Variants in CTDNEP1 observed in about 807,000 individuals in gnomAD.
The protein encoded by CTDNEP1 is C-terminal domain nuclear envelope phosphatase 1.
Under a neutral mutation model 30.1 loss-of-function variants are expected in CTDNEP1, and 3 were observed. The observed-to-expected ratio is 0.10, with a 90% CI of 0.05 to 0.26. The LOEUF is 0.26. CTDNEP1 is among the 10% of genes least tolerant of loss of function. CTDNEP1 has a pLI of 1.00. For missense variants in CTDNEP1, 158 were observed against 310.4 expected (o/e 0.51, Z 3.69); for synonymous variants, 123 against 118.8 (o/e 1.04, Z -0.23).
chr17:7,244,841 G>C (rs1422151310), intron 6 of CTDNEP1: 1 of 513,734 alleles, frequency 1.9e-6, no homozygotes. Context: ...TTCTAGTCAA[G>C]CTTACTGCCA....
chr17:7,249,442 G>A (rs368179675), intron 1 of CTDNEP1, among the ~76,000 whole-genome samples: 3 of 152,176 alleles, frequency 2.0e-5, no homozygotes, highest in South Asian at 4.1e-4. Flanking sequence ...TGCCAGAAGC[G>A]GGGTGGGGAA....
At chr17:7,248,201 C>T (rs1393483710) in intron 1 of CTDNEP1, among the ~76,000 whole-genome samples, 16 of 119,796 alleles carry the variant, frequency 1.3e-4, no homozygotes, top group Non-Finnish European at 1.6e-5. Flanking sequence ...GCAGAGGTTG[C>T]AGTGAGCCGA....
chr17:7,247,472 T>C, intron 1 of CTDNEP1, 129 bp from the exon 2 acceptor site: 3 of 346,758 alleles, frequency 8.7e-6, no homozygotes, highest in South Asian at 6.7e-5. Context: ...TTCTTCTTCT[T>C]TTTTTTTTTT....
intron 1 of CTDNEP1, among the ~76,000 whole-genome samples, chr17:7,249,495 G>C (rs1293142273): frequency 6.6e-6 from 1 of 152,208 alleles, no homozygotes; most frequent in Non-Finnish European, 1.5e-5. Context: ...AGGCTATGGG[G>C]TCAGTGCTGC....
At chr17:7,244,734 T>C (rs1355862413) in intron 6 of CTDNEP1, 99 bp from the exon 7 acceptor site, 15 of 890,720 alleles carry the variant, frequency 1.7e-5, no homozygotes, top group African/African-American at 8.5e-5. Flanking sequence ...TAAAAATATA[T>C]GCCTCCCACT....
chr17:7,247,311 G>A lies in CTDNEP1; in HGVS notation c.135C>T (p.Ile45=), dbSNP rs755893771. The change falls in exon 2 of 8, where the codon ATC becomes ATT. Residue 45 remains isoleucine (I), a synonymous_variant. Coordinates refer to ENST00000574322, the MANE Select transcript of CTDNEP1 (RefSeq NM_001143775.2). ...VIQYQTVRYD[I]LPLSPVSRNR... Reference sequence around the variant, plus strand: ...TCCGGGACACAGGAGATAAGGGGAGGATATCATATCGAACAGTTTGGTACT... The same window carrying A: ...TCCGGGACACAGGAGATAAGGGGAGAATATCATATCGAACAGTTTGGTACT... 2.5e-5 allele frequency: 40 copies of A among 1,613,800 alleles called. No individual in the cohort carries two copies. In the Middle Eastern group the frequency reaches 4.9e-4, roughly 20 times the overall value.
rs758395345 is a variant in CTDNEP1, at chr17:7,244,147, TC to T, written c.*37del. On this transcript the variant is annotated 3_prime_UTR_variant, in exon 8 of 8. Transcript: ENST00000574322. ...GCATCCCAAGGGCTCGCCCTCCCTT[TC>T]CCCCCCACCCCAACTCAGGTGGAGG... 2 of 1,611,658 alleles carry T rather than the reference TC, an allele frequency of 1.2e-6. No homozygotes were observed. The highest frequency in any genetic ancestry group is 1.7e-6 in the Non-Finnish European group (2 of 1,178,818).
chr17:7,248,197 G>A (rs1173927575), intron 1 of CTDNEP1, among the ~76,000 whole-genome samples: 4 of 132,550 alleles, frequency 3.0e-5, no homozygotes, highest in African/African-American at 1.1e-4. Flanking sequence ...GGAGGCAGAG[G>A]TTGCAGTGAG....
chr17:7,250,942 T>C (rs1428077005), intron 1 of CTDNEP1, among the ~76,000 whole-genome samples: 1 of 152,102 alleles, frequency 6.6e-6, no homozygotes, highest in African/African-American at 2.4e-5. Context: ...ACCCACCACC[T>C]TAGCCCCCAA....
intron 1 of CTDNEP1, among the ~76,000 whole-genome samples, chr17:7,250,174 C>T (rs1455753522): frequency 6.6e-6 from 1 of 152,116 alleles, no homozygotes; most frequent in Admixed American, 6.5e-5. Context: ...CTCTGGACCC[C>T]AGGTCACCCC....
In CTDNEP1 at chr17:7,251,356, C is replaced by CG; in HGVS notation, c.-61dup. The CG allele has an allele frequency of 8.4e-7, 1 of 1,195,034 alleles. No individual in the cohort carries two copies. The highest frequency in any genetic ancestry group is 1.1e-6 in the Non-Finnish European group (1 of 910,726). 74.0% of individuals were successfully genotyped at this position (1,195,034 alleles called of 1,614,324 possible). ...CCGCGGCCCAGCTCCGCCAGCCCCC[C>CG]GGGGGCAGCCCCCCGCCGCCGGGAG... is the stretch of plus-strand genomic sequence containing the variant. On this transcript the variant is annotated 5_prime_UTR_variant, in exon 1 of 8. Coordinates refer to ENST00000574322, the MANE Select transcript of CTDNEP1 (RefSeq NM_001143775.2).
Position 7,244,123 on chromosome 17 carries a change from C to A in CTDNEP1, c.*62G>T. ...TCACATTGGACAGGGCATCAGACGG[C>A]ATCCCAAGGGCTCGCCCTCCCTTTC... On this transcript the variant is annotated 3_prime_UTR_variant, in exon 8 of 8. Coordinates refer to ENST00000574322, the MANE Select transcript of CTDNEP1 (RefSeq NM_001143775.2). The A allele has an allele frequency of 6.2e-7, 1 of 1,607,470 alleles. No individual in the cohort carries two copies. The highest frequency in any genetic ancestry group is 8.5e-7 in the Non-Finnish European group (1 of 1,177,126).
chr17:7,246,452 G>C lies in CTDNEP1; in HGVS notation c.361-82C>G. ...TACAGTTATCTTTCAGAAAGGCAAT[G>C]GCATAGTCCTTCAGGCCTTCCATCA... On this transcript the variant is annotated intron_variant, in intron 4 of 7. Coordinates refer to ENST00000574322, the MANE Select transcript of CTDNEP1 (RefSeq NM_001143775.2). The surrounding 1 kb of genome is among the most constrained non-coding windows in gnomAD (Gnocchi z 4.9). 2.9e-6 allele frequency: 3 copies of C among 1,021,180 alleles called. No individual in the cohort carries two copies. The East Asian group carries it at 7.1e-5, about 24-fold the overall frequency. The allele number at this position is 1,021,180 out of a possible 1,614,324, so 63.3% of individuals were successfully genotyped here.
rs1439166350 is a variant in CTDNEP1 at position 7,246,959 on chromosome 17, C to A, written c.289-97G>T. ...TCTGCTTCCCTCCTCCAGGCTGACACTGGTGCCAGCGGATGGAGACAGATG... is the reference window on the plus strand; with the variant it reads ...TCTGCTTCCCTCCTCCAGGCTGACAATGGTGCCAGCGGATGGAGACAGATG... On this transcript the variant is annotated intron_variant, in intron 3 of 7. Transcript: ENST00000574322. The surrounding 1 kb of genome is among the most constrained non-coding windows in gnomAD (Gnocchi z 4.9). 6.4e-6 allele frequency: 9 copies of A among 1,415,836 alleles called. No homozygotes were observed. The highest frequency in any genetic ancestry group is 1.4e-5 in the African/African-American group (1 of 70,956). The allele number at this position is 1,415,836 out of a possible 1,614,324, so 87.7% of individuals were successfully genotyped here. A position where few individuals can be genotyped will look rare whatever the true frequency, so the allele number is the denominator to read the frequency against.
intron 1 of CTDNEP1, among the ~76,000 whole-genome samples, chr17:7,247,850 ATTATC>A (rs1466982363): frequency 2.0e-5 from 3 of 152,142 alleles, no homozygotes; most frequent in Admixed American, 6.5e-5. Flanking sequence ...ACAGCTAGGA[ATTATC>A]TTAAGTTGTT....
In CTDNEP1 at chr17:7,244,158, C is replaced by T. The variant is rs2071809517; in HGVS notation, c.*27G>A. 6.2e-7 allele frequency: 1 copy of T among 1,613,364 alleles called. No individual in the cohort carries two copies. The highest frequency in any genetic ancestry group is 1.3e-5 in the African/African-American group (1 of 74,956). ...GCTCGCCCTCCCTTTCCCCCCCACC[C>T]CAACTCAGGTGGAGGGGGAGCAGCT... On this transcript the variant is annotated 3_prime_UTR_variant, in exon 8 of 8. Coordinates refer to ENST00000574322, the MANE Select transcript of CTDNEP1 (RefSeq NM_001143775.2).
chr17:7,247,358 A>T lies in CTDNEP1; in HGVS notation c.103-15T>A, dbSNP rs191154269. On this transcript the variant is annotated splice_polypyrimidine_tract_variant and intron_variant, in intron 1 of 7. Coordinates refer to ENST00000574322, the MANE Select transcript of CTDNEP1 (RefSeq NM_001143775.2). ...TACTGAATTACCTACAAATAGCACA[A>T]AAGAGGATTGAAACCCTTGATAAGG... 771 of 1,610,522 alleles carry T rather than the reference A, an allele frequency of 4.8e-4. 4 individuals are homozygous for T. The African/African-American group carries it at 8.9e-3, about 19-fold the overall frequency.
rs2071853008 is a variant in CTDNEP1 at position 7,247,314 on chromosome 17, A to C, written c.132T>G (p.Asp44Glu). ...GGGACACAGGAGATAAGGGGAGGAT[A>C]TCATATCGAACAGTTTGGTACTGAA... The part of the protein sequence containing the change: ...TVIQYQTVRY[D>E]ILPLSPVSRN... The change falls in exon 2 of 8, where the codon GAT becomes GAG. Residue 44 changes from aspartate (D) to glutamate (E), a missense_variant. By Grantham distance (45) the Asp-to-Glu change is conservative (BLOSUM62 2). Transcript: ENST00000574322. 1.2e-6 allele frequency: 2 copies of C among 1,614,008 alleles called. No individual in the cohort carries two copies. Among genetic ancestry groups the C allele is most frequent in the Non-Finnish European group, 1.7e-6 (2 of 1,180,000 alleles).
At chr17:7,248,563 T>C (rs1311615053) in intron 1 of CTDNEP1, among the ~76,000 whole-genome samples, 1 of 151,884 alleles carries the variant, frequency 6.6e-6, no homozygotes, top group African/African-American at 2.4e-5. Context: ...TTCACCATAT[T>C]GGCCAGGCTG....
Sources: gnomAD v4.1 joint callset for allele counts (sites outside exome capture counted in the v4.1 genomes callset) on GRCh38, gnomAD v4.1.1 for gene constraint, Gnocchi (gnomAD v3.1) non-coding constraint, MANE v1.5 for transcripts, NCBI Gene and HGNC (gene_info 2026-07-23, HGNC 2026-07-21) for gene names.